TVP23C: variants seen among roughly 807,000 people sequenced by gnomAD.
TVP23C encodes the protein Golgi apparatus membrane protein TVP23 homolog C.
Under a neutral mutation model 28.7 loss-of-function variants are expected in TVP23C, and 19 were observed. The ratio of observed to expected loss-of-function variants is 0.66; its 90% CI spans 0.46 to 0.97. TVP23C has a LOEUF of 0.97. Among genes scored for constraint, TVP23C ranks in the 50% least tolerant of loss-of-function variants. TVP23C has a pLI of 0.00. For missense variants in TVP23C, 186 were observed against 241.3 expected (o/e 0.77, Z 1.52); for synonymous variants, 68 against 81.7 (o/e 0.83, Z 0.90).
intron 3 of TVP23C, 96 bp downstream of exon 3, chr17:15,553,589 G>A (rs1389186391): frequency 4.1e-6 from 6 of 1,454,628 alleles, no homozygotes; most frequent in African/African-American, 1.5e-5. Context: ...GAGGTTTGAA[G>A]TAACAAAAGA....
At chr17:15,542,949 T>C (rs1221082177) in intron 5 of TVP23C, among the ~76,000 whole-genome samples, 1 of 152,186 alleles carries the variant, frequency 6.6e-6, no homozygotes, top group African/African-American at 2.4e-5. Flanking sequence ...GGCTTTCACA[T>C]AACCTCTCCC....
At chr17:15,523,993 A>G (rs1056988539) in intron 5 of TVP23C, among the ~76,000 whole-genome samples, 8 of 151,724 alleles carry the variant, frequency 5.3e-5, no homozygotes, top group Non-Finnish European at 1.0e-4. Context: ...ACGCACTACA[A>G]AACACTGCTG....
chr17:15,502,897 C>T (rs1235624507), exon 6 of TVP23C: 3 of 1,593,224 alleles, frequency 1.9e-6, no homozygotes, highest in Non-Finnish European at 1.7e-6. Context: ...GAAATTTTGG[C>T]CCGGGCTCAC....
intron 5 of TVP23C, among the ~76,000 whole-genome samples, chr17:15,516,945 C>T (rs1202943365): frequency 9.2e-5 from 14 of 152,198 alleles, no homozygotes; most frequent in African/African-American, 2.9e-4. Context: ...AAAGCACAGG[C>T]ATGGCATCTC....
At chr17:15,524,160 C>T (rs549231801) in intron 5 of TVP23C, among the ~76,000 whole-genome samples, 7 of 149,444 alleles carry the variant, frequency 4.7e-5, no homozygotes, top group South Asian at 2.2e-4. Flanking sequence ...GCCCTTTCAC[C>T]ATTTTGTTCC....
At position 15,537,687 on chromosome 17, in the gene TVP23C, G is replaced by C; in HGVS notation, c.*2725C>G. On this transcript the variant is annotated 3_prime_UTR_variant, in exon 6 of 6. Transcript: ENST00000518321. ...AGCCAAAGTGCTCACTCTTACCATA[G>C]AAGCAAAACTTTCTCCTGAAAACAA... 4 of 986,098 alleles carry C rather than the reference G, an allele frequency of 4.1e-6. No individual in the cohort carries two copies. The highest frequency in any genetic ancestry group is 4.8e-6 in the Non-Finnish European group (4 of 829,946). 61.1% of individuals were successfully genotyped at this position (986,098 alleles called of 1,614,324 possible).
chr17:15,505,893 C>T (rs904181532), intron 5 of TVP23C, among the ~76,000 whole-genome samples: 9 of 152,238 alleles, frequency 5.9e-5, no homozygotes, highest in African/African-American at 1.7e-4. Context: ...GCGCTGTGCT[C>T]GATTTCTCAC....
At chr17:15,509,928 TA>T (rs1388185457) in intron 5 of TVP23C, among the ~76,000 whole-genome samples, 1 of 152,118 alleles carries the variant, frequency 6.6e-6, no homozygotes, top group African/African-American at 2.4e-5. Context: ...TCAACAAACC[TA>T]AGATGCCATG....
intron 1 of TVP23C, among the ~76,000 whole-genome samples, chr17:15,555,827 T>C (rs1984104508): frequency 6.6e-6 from 1 of 152,182 alleles, no homozygotes; most frequent in Non-Finnish European, 1.5e-5. Flanking sequence ...GTGCTCAGAA[T>C]AACTTCTTTT....
intron 1 of TVP23C, among the ~76,000 whole-genome samples, chr17:15,559,340 A>G (rs556642940): frequency 0.012 from 1,694 of 145,648 alleles, 155 homozygotes; most frequent in Non-Finnish European, 0.02. Flanking sequence ...AAAAAAAGAC[A>G]AATAGCTCTG....
chr17:15,513,755 A>C (rs1317433818), intron 5 of TVP23C, among the ~76,000 whole-genome samples: 1 of 152,184 alleles, frequency 6.6e-6, no homozygotes, highest in Non-Finnish European at 1.5e-5. Flanking sequence ...AACAGTCTGA[A>C]ACATCCAGTA....
At chr17:15,529,100 G>A (rs1982845296) in intron 5 of TVP23C, among the ~76,000 whole-genome samples, 1 of 152,094 alleles carries the variant, frequency 6.6e-6, no homozygotes. Flanking sequence ...CCGTGTACCT[G>A]GGACTATGCT....
intron 5 of TVP23C, among the ~76,000 whole-genome samples, chr17:15,522,443 A>C (rs1476204764): frequency 6.6e-6 from 1 of 152,206 alleles, no homozygotes; most frequent in Non-Finnish European, 1.5e-5. Context: ...TATTCACACC[A>C]GGAACTTGGT....
chr17:15,538,798 T>C lies in TVP23C; in HGVS notation c.*1614A>G. On this transcript the variant is annotated 3_prime_UTR_variant, in exon 6 of 6. Coordinates refer to ENST00000518321, the MANE Select transcript of TVP23C (RefSeq NM_001135036.2). ...CCACCTTCAGAAACACTGAAAATTC[T>C]AACGAAAAAAACCTAATAAGCACAT... 1 of 985,268 alleles carries C rather than the reference T, an allele frequency of 1.0e-6. No individual in the cohort carries two copies. The highest frequency in any genetic ancestry group is 1.2e-6 in the Non-Finnish European group (1 of 829,898). The allele number at this position is 985,268 out of a possible 1,614,324, so 61.0% of individuals were successfully genotyped here.
downstream of TVP23C, among the ~76,000 whole-genome samples, chr17:15,533,161 G>C (rs71367509): frequency 6.6e-6 from 1 of 152,050 alleles, no homozygotes; most frequent in Admixed American, 6.6e-5. Context: ...TATAACTTAC[G>C]TGAGGCATAT....
chr17:15,510,358 G>A (rs184826170), intron 5 of TVP23C, among the ~76,000 whole-genome samples: 2 of 152,134 alleles, frequency 1.3e-5, no homozygotes, highest in Non-Finnish European at 2.9e-5. Flanking sequence ...AACACAAGAC[G>A]TACAAGCGGC....
intron 5 of TVP23C, among the ~76,000 whole-genome samples, chr17:15,543,040 C>G (rs1983488620): frequency 6.6e-6 from 1 of 152,064 alleles, no homozygotes; most frequent in Non-Finnish European, 1.5e-5. Context: ...GCTCTAAGGT[C>G]TTACAAACAA....
chr17:15,515,498 T>C (rs1300813786), intron 5 of TVP23C, among the ~76,000 whole-genome samples: 1 of 152,174 alleles, frequency 6.6e-6, no homozygotes, highest in Non-Finnish European at 1.5e-5. Context: ...GTTGGGAGCC[T>C]GAGACGTGAG....
intron 5 of TVP23C, among the ~76,000 whole-genome samples, chr17:15,519,787 A>C (rs1384220519): frequency 1.3e-5 from 2 of 152,138 alleles, no homozygotes; most frequent in Non-Finnish European, 2.9e-5. Context: ...CTGTAGTCCC[A>C]GCTACTTGGG....
Sources: allele counts gnomAD v4.1 joint callset (sites outside exome capture counted in the v4.1 genomes callset), GRCh38; gene constraint gnomAD v4.1.1; transcripts MANE v1.5; gene names NCBI Gene and HGNC (gene_info 2026-07-23, HGNC 2026-07-21).